NLGN1: variants seen among roughly 807,000 people sequenced by gnomAD.
The protein encoded by NLGN1 is neuroligin 1, also known as neuroligin-1.
Under a neutral mutation model 65.5 loss-of-function variants are expected in NLGN1, and 12 were observed. The ratio of observed to expected loss-of-function variants is 0.18; its 90% CI spans 0.12 to 0.30. The LOEUF (loss-of-function observed/expected upper bound fraction) is 0.30, where lower values mean the gene tolerates loss of function less well. Ranked by LOEUF, NLGN1 falls within the 10% of genes least tolerant of loss-of-function variation. The probability of loss-of-function intolerance (pLI) is 1.00; values close to 1 mark genes in which losing one functional copy is unlikely to be tolerated. For synonymous variants in NLGN1, 350 were observed against 359.5 expected (o/e 0.97, Z 0.30); for missense variants, 750 against 1,007.1 (o/e 0.74, Z 3.46).
At chr3:173,539,637 T>G (rs368195550) in intron 2 of NLGN1, among the ~76,000 whole-genome samples, 11 of 79,922 alleles carry the variant, frequency 1.4e-4, no homozygotes, top group Admixed American at 2.9e-4. Context: ...TATATACACA[T>G]ATATACATAT....
chr3:173,511,436 A>G (rs1193056609), intron 2 of NLGN1, among the ~76,000 whole-genome samples: 1 of 152,158 alleles, frequency 6.6e-6, no homozygotes, highest in African/African-American at 2.4e-5. Context: ...AAGTGTTAAC[A>G]CGTTCTGTCG....
chr3:173,661,137 A>G (rs1464750121), intron 3 of NLGN1, among the ~76,000 whole-genome samples: 1 of 152,046 alleles, frequency 6.6e-6, no homozygotes. Flanking sequence ...TGAACTAATG[A>G]AAGAAATATG....
At chr3:173,415,943 A>AGAGAGAGCGCGC (rs141095727) in intron 1 of NLGN1, among the ~76,000 whole-genome samples, 77 of 142,834 alleles carry the variant, frequency 5.4e-4, no homozygotes, top group African/African-American at 1.9e-3. Flanking sequence ...AGAGAGAGAG[A>AGAGAGAGCGCGC]GCTTGGTATA....
At chr3:173,905,689 G>A (rs1255621484) in intron 4 of NLGN1, among the ~76,000 whole-genome samples, 1 of 152,170 alleles carries the variant, frequency 6.6e-6, no homozygotes, top group East Asian at 1.9e-4. Flanking sequence ...GAAATGTTTG[G>A]TAAAAATAAC....
chr3:174,009,959 AT>A (rs1725202116), intron 4 of NLGN1, among the ~76,000 whole-genome samples: 1 of 152,148 alleles, frequency 6.6e-6, no homozygotes, highest in Admixed American at 6.6e-5. Flanking sequence ...CGTGAAGAGC[AT>A]CCCCCTAACC....
intron 2 of NLGN1, among the ~76,000 whole-genome samples, chr3:173,555,570 C>T (rs1022988211): frequency 1.3e-5 from 2 of 152,120 alleles, no homozygotes; most frequent in Non-Finnish European, 2.9e-5. Context: ...GCCTCAAAAT[C>T]CCCGGGCTCA....
At chr3:173,445,044 G>A (rs1392982943) in intron 2 of NLGN1, among the ~76,000 whole-genome samples, 1 of 151,296 alleles carries the variant, frequency 6.6e-6, no homozygotes, top group Non-Finnish European at 1.5e-5. Context: ...CGAGGCGGGC[G>A]GATCACGAGG....
intron 4 of NLGN1, among the ~76,000 whole-genome samples, chr3:174,233,734 T>A (rs1741160588): frequency 6.6e-6 from 1 of 152,052 alleles, no homozygotes; most frequent in Non-Finnish European, 1.5e-5. Context: ...CTCCACAGCA[T>A]CTTTTTTGGG....
chr3:173,812,892 G>A (rs1436864123), intron 4 of NLGN1, among the ~76,000 whole-genome samples: 3 of 149,250 alleles, frequency 2.0e-5, no homozygotes, highest in Non-Finnish European at 4.4e-5. Flanking sequence ...ATAAAAGTGA[G>A]GACAGTATAG....
At chr3:173,779,316 T>A (rs1372804249) in intron 3 of NLGN1, among the ~76,000 whole-genome samples, 2 of 152,036 alleles carry the variant, frequency 1.3e-5, no homozygotes, top group African/African-American at 4.8e-5. Context: ...TCCTCTTAGA[T>A]GTCTTAAATC....
chr3:173,861,882 C>A (rs1032206754), intron 4 of NLGN1, among the ~76,000 whole-genome samples: 1 of 151,352 alleles, frequency 6.6e-6, no homozygotes, highest in Non-Finnish European at 1.5e-5. Context: ...CCTCAGCCTC[C>A]CGAGTAGCTG....
rs1740628887 is a variant in NLGN1 at position 173,550,351 on chromosome 3, G to T, written c.-320-53928G>T. On this transcript the variant is annotated intron_variant, in intron 2 of 6. Coordinates refer to ENST00000457714, the Ensembl canonical transcript of NLGN1. ...ATGTTTTGATGAATAGCGTGTTTCG[G>T]CACACATGCATGTTGTCAAGGAAGG... Among the ~76,000 whole-genome samples, 5 of 152,052 alleles carry T rather than the reference G, an allele frequency of 3.3e-5. No individual in the cohort carries two copies. The South Asian group carries it at 1.0e-3, about 32-fold the overall frequency.
chr3:173,843,231 C>G (rs942297567), intron 4 of NLGN1, among the ~76,000 whole-genome samples: 1 of 152,220 alleles, frequency 6.6e-6, no homozygotes, highest in Non-Finnish European at 1.5e-5. Flanking sequence ...GCCCAGCACA[C>G]AAAACCACTT....
At chr3:173,865,870 A>G (rs1041686844) in intron 4 of NLGN1, among the ~76,000 whole-genome samples, 3 of 152,194 alleles carry the variant, frequency 2.0e-5, no homozygotes, top group African/African-American at 7.2e-5. Context: ...AGATGCTGGA[A>G]TCTTATAAAC....
chr3:174,171,936 G>T, intron 4 of NLGN1, among the ~76,000 whole-genome samples: 1 of 151,780 alleles, frequency 6.6e-6, no homozygotes, highest in East Asian at 1.9e-4. Context: ...TTATTATTTT[G>T]GTTATTATAA....
chr3:173,891,752 G>A (rs555412330), intron 4 of NLGN1, among the ~76,000 whole-genome samples: 2 of 152,292 alleles, frequency 1.3e-5, no homozygotes, highest in African/African-American at 4.8e-5. Flanking sequence ...GATTTAGAAA[G>A]GTTGGGTCTT....
At chr3:173,985,819 G>T (rs999249825) in intron 4 of NLGN1, among the ~76,000 whole-genome samples, 1 of 152,056 alleles carries the variant, frequency 6.6e-6, no homozygotes, top group East Asian at 2.0e-4. Context: ...GCTTGGTTGT[G>T]CATGCCTGTA....
intron 2 of NLGN1, among the ~76,000 whole-genome samples, chr3:173,485,962 T>C (rs1728108153): frequency 6.6e-6 from 1 of 152,184 alleles, no homozygotes; most frequent in African/African-American, 2.4e-5. Flanking sequence ...GTTTGTTTTT[T>C]AACCTCTCAG....
At chr3:173,913,478 G>C (rs1740060032) in intron 4 of NLGN1, among the ~76,000 whole-genome samples, 1 of 152,162 alleles carries the variant, frequency 6.6e-6, no homozygotes, top group South Asian at 2.1e-4. Flanking sequence ...TGGCAGTTGA[G>C]CAGTTCACTG....
Sources: allele counts gnomAD v4.1 joint callset (sites outside exome capture counted in the v4.1 genomes callset), GRCh38; gene constraint gnomAD v4.1.1; transcripts MANE v1.5; gene names NCBI Gene and HGNC (gene_info 2026-07-23, HGNC 2026-07-21).